SH3KBP1: variants seen among roughly 807,000 people sequenced by gnomAD.
SH3KBP1 encodes the protein SH3 domain containing kinase binding protein 1, also known as SH3 domain-containing kinase-binding protein 1.
Under a neutral mutation model 50.1 loss-of-function variants are expected in SH3KBP1, and 8 were observed. The ratio of observed to expected loss-of-function variants is 0.16; its 90% confidence interval spans 0.09 to 0.29. SH3KBP1 has a LOEUF of 0.29. Among genes scored for constraint, SH3KBP1 ranks in the 10% least tolerant of loss-of-function variants. The pLI, the probability that SH3KBP1 is intolerant of heterozygous loss-of-function variation, is 1.00. For missense variants in SH3KBP1, 377 were observed against 535.2 expected (o/e 0.70, Z 2.92); for synonymous variants, 227 against 218.6 (o/e 1.04, Z -0.34).
intron 11 of SH3KBP1, among the ~76,000 whole-genome samples, chrX:19,589,637 C>T (rs1484380247): frequency 7.2e-5 from 8 of 110,489 alleles, no homozygotes; most frequent in Non-Finnish European, 3.8e-5. Context: ...AGCCTTGCTC[C>T]GTGTGTGGCA....
At chrX:19,713,304 CCAG>C (rs2063823825) in intron 3 of SH3KBP1, among the ~76,000 whole-genome samples, 1 of 109,888 alleles carries the variant, frequency 9.1e-6, no homozygotes, top group East Asian at 2.8e-4. Flanking sequence ...ACTCTGTTGC[CCAG>C]GCTGGAGTAC....
intron 1 of SH3KBP1, among the ~76,000 whole-genome samples, chrX:19,859,162 T>G (rs2068723683): frequency 9.0e-6 from 1 of 110,940 alleles, no homozygotes; most frequent in African/African-American, 3.3e-5. Context: ...ATTTTTTTTT[T>G]TTTTGAGACA....
At chrX:19,828,020 C>T (rs781300027) in intron 2 of SH3KBP1, among the ~76,000 whole-genome samples, 6 of 110,068 alleles carry the variant, frequency 5.5e-5, no homozygotes, top group East Asian at 5.6e-4. Flanking sequence ...CCCCATCCCC[C>T]GCCAGGAGGG....
intron 2 of SH3KBP1, among the ~76,000 whole-genome samples, chrX:19,757,384 A>T (rs2065240988): frequency 9.1e-6 from 1 of 109,961 alleles, no homozygotes; most frequent in Admixed American, 9.7e-5. Flanking sequence ...TTCTCTTAAG[A>T]TTTCACCATG....
chrX:19,811,951 G>A (rs868554343), intron 2 of SH3KBP1, among the ~76,000 whole-genome samples: 4 of 111,648 alleles, frequency 3.6e-5, no homozygotes, highest in Admixed American at 9.5e-5. Flanking sequence ...CACACCTCCT[G>A]GGAACTGAGC....
chrX:19,882,041 G>A (rs1322608158), intron 1 of SH3KBP1, among the ~76,000 whole-genome samples: 1 of 110,943 alleles, frequency 9.0e-6, no homozygotes, highest in African/African-American at 3.3e-5. Context: ...GGGACAAGCT[G>A]TCTCAAAAAA....
intron 9 of SH3KBP1, 114 bp from the exon 10 acceptor site, chrX:19,595,114 C>T (rs1357319267): frequency 1.8e-6 from 1 of 551,319 alleles, no homozygotes. Context: ...GAGAACCTCT[C>T]CAAAAAAATT....
chrX:19,637,012 T>C (rs756697028), intron 7 of SH3KBP1, among the ~76,000 whole-genome samples: 14 of 112,435 alleles, frequency 1.2e-4, no homozygotes, highest in Non-Finnish European at 2.4e-4. Flanking sequence ...TAATCAGAAA[T>C]TCTCTCGTTC....
chrX:19,869,672 T>C (rs2068988740), intron 1 of SH3KBP1, among the ~76,000 whole-genome samples: 1 of 112,471 alleles, frequency 8.9e-6, no homozygotes, highest in South Asian at 3.6e-4. Flanking sequence ...ATACCAAATA[T>C]TGGCGAGAAC....
intron 12 of SH3KBP1, 157 bp downstream of exon 12, chrX:19,588,486 G>A (rs769156813): frequency 1.8e-5 from 22 of 1,193,648 alleles, no homozygotes; most frequent in African/African-American, 1.6e-4. Flanking sequence ...AGAAGTGGCC[G>A]GTGTCTTCAG....
chrX:19,574,510 C>G (rs995403178), intron 12 of SH3KBP1, among the ~76,000 whole-genome samples: 1 of 112,615 alleles, frequency 8.9e-6, no homozygotes, highest in Non-Finnish European at 1.9e-5. Flanking sequence ...AGTCCAAGGT[C>G]AAGATGTCAG....
chrX:19,820,389 T>G (rs948906734), intron 2 of SH3KBP1, among the ~76,000 whole-genome samples: 2 of 111,536 alleles, frequency 1.8e-5, no homozygotes, highest in Non-Finnish European at 3.8e-5. Context: ...GCTCTGTTGC[T>G]TGGCCCATAC....
intron 1 of SH3KBP1, among the ~76,000 whole-genome samples, chrX:19,852,855 A>AGAG (rs2068546102): frequency 9.0e-6 from 1 of 111,464 alleles, no homozygotes; most frequent in Non-Finnish European, 1.9e-5. Flanking sequence ...ATGAGTCAGG[A>AGAG]ATGCATGATC....
chrX:19,726,670 A>C (rs1446398173), intron 3 of SH3KBP1, among the ~76,000 whole-genome samples: 1 of 111,484 alleles, frequency 9.0e-6, no homozygotes, highest in Non-Finnish European at 1.9e-5. Context: ...CTGATACGAC[A>C]ACACTTGACA....
rs766031457 is a variant in SH3KBP1 at position 19,773,483 on chromosome X, T to A, written c.163-27042A>T. On this transcript the variant is annotated intron_variant, in intron 2 of 17. Transcript: ENST00000397821. ...TTCAGTCTCTGTCTCTCTCTCTCTC[T>A]CACACACACAAACACACACACACAC... Among the ~76,000 whole-genome samples the A allele has an allele frequency of 2.1e-3, 197 of 94,632 alleles. 1 individual carries two copies. Among genetic ancestry groups the A allele is most frequent in the Admixed American group, 1.0e-2 (86 of 8,620 alleles). 82.2% of individuals were successfully genotyped at this position (94,632 alleles called of 115,157 possible). A position where few individuals can be genotyped will look rare whatever the true frequency, so the allele number is the denominator to read the frequency against.
At chrX:19,793,597 T>C (rs1304454793) in intron 2 of SH3KBP1, among the ~76,000 whole-genome samples, 1 of 111,033 alleles carries the variant, frequency 9.0e-6, no homozygotes, top group East Asian at 2.8e-4. Context: ...ACCATGCACA[T>C]GTGAATGCTA....
At chrX:19,556,983 T>C (rs2065510174) in intron 13 of SH3KBP1, among the ~76,000 whole-genome samples, 1 of 111,927 alleles carries the variant, frequency 8.9e-6, no homozygotes, top group Non-Finnish European at 1.9e-5. Context: ...TAAACAAGTT[T>C]TGAGCTACTG....
intron 6 of SH3KBP1, among the ~76,000 whole-genome samples, chrX:19,676,308 T>A (rs747777218): frequency 2.3e-4 from 25 of 106,813 alleles, no homozygotes; most frequent in South Asian, 1.7e-3. Flanking sequence ...TATATGATTA[T>A]GCAGCTTAAT....
intron 1 of SH3KBP1, among the ~76,000 whole-genome samples, chrX:19,878,505 T>TGA (rs57445899): frequency 0.012 from 595 of 48,203 alleles, 9 homozygotes; most frequent in African/African-American, 0.032. Context: ...TGTGTGTGTG[T>TGA]GAGAGAGAGA....
Sources: allele counts gnomAD v4.1 joint callset (sites outside exome capture counted in the v4.1 genomes callset), GRCh38; gene constraint gnomAD v4.1.1; transcripts MANE v1.5; gene names NCBI Gene and HGNC (gene_info 2026-07-23, HGNC 2026-07-21).